The following SLIT3 variants were observed in gnomAD, a reference collection of about 807,000 sequenced individuals.
The protein encoded by SLIT3 is slit homolog 3 protein.
A neutral mutation model predicts 184.0 loss-of-function variants in SLIT3; 68 were observed. The observed-to-expected ratio is 0.37, with a 90% CI of 0.30 to 0.45. The LOEUF (loss-of-function observed/expected upper bound fraction) is 0.45, where lower values mean the gene tolerates loss of function less well. SLIT3 is among the 20% of genes least tolerant of loss of function. The pLI, the probability that SLIT3 is intolerant of heterozygous loss-of-function variation, is 1.00. For missense variants in SLIT3, 1,707 were observed against 2,026.0 expected, an observed-to-expected ratio of 0.84 and a Z score of 3.02; for synonymous variants, 831 against 828.6, an observed-to-expected ratio of 1.00 and a Z score of -0.05.
chr5:168,755,389 A>ATTTCTTTCTTTCTTTCTTTCTTTCT (rs1754862099), intron 16 of SLIT3, among the ~76,000 whole-genome samples: 4 of 133,638 alleles, frequency 3.0e-5, no homozygotes, highest in Non-Finnish European at 6.7e-5. Flanking sequence ...CAGTGCCGCC[A>ATTTCTTTCTTTCTTTCTTTCTTTCT]TTTCTTTCTT....
At chr5:168,732,571 T>C (rs1763318936) in intron 20 of SLIT3, among the ~76,000 whole-genome samples, 2 of 152,192 alleles carry the variant, frequency 1.3e-5, no homozygotes, top group South Asian at 4.1e-4. Context: ...CTTCAAATTA[T>C]ATTACAAGGC....
chr5:168,951,769 C>T lies in SLIT3; in HGVS notation c.414-68433G>A, dbSNP rs115805023. Among the ~76,000 whole-genome samples, 432 of 152,330 alleles carry T rather than the reference C, an allele frequency of 2.8e-3. 4 individuals carry two copies. Among genetic ancestry groups the T allele is most frequent in the African/African-American group, 9.6e-3 (400 of 41,570 alleles). On this transcript the variant is annotated intron_variant, in intron 4 of 35. Coordinates refer to ENST00000519560, the MANE Select transcript of SLIT3 (RefSeq NM_003062.4). ...GGTTCCTGCTGACCAAAGCCTGATCCAGGCCAAGGCTCATCTGTTCCTGTC... is the reference window on the plus strand; with the variant it reads ...GGTTCCTGCTGACCAAAGCCTGATCTAGGCCAAGGCTCATCTGTTCCTGTC...
At chr5:168,730,308 TAGACAGATCATTG>T in intron 20 of SLIT3, among the ~76,000 whole-genome samples, 1 of 152,120 alleles carries the variant, frequency 6.6e-6, no homozygotes, top group South Asian at 2.1e-4. Context: ...CTGACAGCAC[TAGACAGATCATTG>T]AGACAGAAAA....
chr5:169,162,300 G>A (rs1358167764), intron 4 of SLIT3, among the ~76,000 whole-genome samples: 2 of 152,220 alleles, frequency 1.3e-5, no homozygotes. Context: ...GGTAGGTTCA[G>A]CGATTTGTTT....
chr5:168,907,959 T>TAC (rs1244335185), intron 4 of SLIT3, among the ~76,000 whole-genome samples: 1 of 88,182 alleles, frequency 1.1e-5, no homozygotes, highest in Non-Finnish European at 2.3e-5. Flanking sequence ...TATATATATA[T>TAC]ATATATATAT....
rs924440479 is a variant in SLIT3 at position 168,819,596 on chromosome 5, G to T, written c.630-2133C>A. Among the ~76,000 whole-genome samples the T allele has an allele frequency of 6.6e-5, 10 of 152,364 alleles. No homozygotes were observed. The South Asian group carries it at 1.9e-3, about 28-fold the overall frequency. ...GCATGTGTGCATGTGGCGGATCACA[G>T]ATCAATGCAAACAAATTCCCGTCGG... On this transcript the variant is annotated intron_variant, in intron 7 of 35. Coordinates refer to ENST00000519560, the MANE Select transcript of SLIT3 (RefSeq NM_003062.4).
intron 1 of SLIT3, among the ~76,000 whole-genome samples, chr5:169,293,232 G>A (rs1020179320): frequency 2.0e-5 from 3 of 152,058 alleles, no homozygotes; most frequent in Non-Finnish European, 2.9e-5. Context: ...ATCAATGAGA[G>A]ATAAGTCCAA....
At chr5:169,047,779 T>C (rs907353098) in intron 4 of SLIT3, among the ~76,000 whole-genome samples, 3 of 152,154 alleles carry the variant, frequency 2.0e-5, no homozygotes, top group African/African-American at 4.8e-5. Context: ...CCAGCTGCTC[T>C]TCCCGCTGTG....
chr5:169,224,380 TA>T (rs200586494), intron 3 of SLIT3, among the ~76,000 whole-genome samples: 12,374 of 102,548 alleles, frequency 0.12, 561 homozygotes, highest in East Asian at 0.19. Flanking sequence ...TTTATTTATT[TA>T]TTTATTTTTT....
intron 5 of SLIT3, among the ~76,000 whole-genome samples, chr5:168,871,711 G>A (rs1759529088): frequency 6.6e-6 from 1 of 152,066 alleles, no homozygotes; most frequent in African/African-American, 2.4e-5. Context: ...GATAACCTGG[G>A]CCTAGTTAAT....
chr5:168,805,619 G>A (rs554024069), intron 9 of SLIT3, among the ~76,000 whole-genome samples: 10 of 152,292 alleles, frequency 6.6e-5, no homozygotes, highest in South Asian at 2.1e-4. Context: ...GGACTAGACC[G>A]AACTATGTGG....
At chr5:168,978,540 G>A (rs1345919910) in intron 4 of SLIT3, among the ~76,000 whole-genome samples, 3 of 152,100 alleles carry the variant, frequency 2.0e-5, no homozygotes, top group African/African-American at 7.2e-5. Flanking sequence ...GCCCCTTATA[G>A]CAATGGAGAA....
intron 12 of SLIT3, among the ~76,000 whole-genome samples, chr5:168,777,242 T>C (rs917073070): frequency 2.6e-5 from 4 of 152,068 alleles, no homozygotes; most frequent in African/African-American, 9.7e-5. Flanking sequence ...ATGCTCTCTA[T>C]TTGCCACAGT....
intron 5 of SLIT3, among the ~76,000 whole-genome samples, chr5:168,862,659 T>C (rs1259424042): frequency 6.7e-6 from 1 of 149,492 alleles, no homozygotes; most frequent in Non-Finnish European, 1.5e-5. Flanking sequence ...ACATTGGTTT[T>C]TTTGTTTGTT....
intron 4 of SLIT3, among the ~76,000 whole-genome samples, chr5:169,083,031 T>C (rs1383618028): frequency 6.6e-6 from 1 of 152,232 alleles, no homozygotes; most frequent in South Asian, 2.1e-4. Context: ...CTCTACCATA[T>C]GTAACATATG....
At chr5:168,745,538 A>T (rs947599388) in intron 20 of SLIT3, among the ~76,000 whole-genome samples, 2 of 151,834 alleles carry the variant, frequency 1.3e-5, no homozygotes, top group Non-Finnish European at 2.9e-5. Flanking sequence ...CAGCCTCCCC[A>T]GTAGCTGGAA....
At chr5:169,040,873 T>G (rs1457886263) in intron 4 of SLIT3, among the ~76,000 whole-genome samples, 1 of 152,240 alleles carries the variant, frequency 6.6e-6, no homozygotes, top group African/African-American at 2.4e-5. Flanking sequence ...GCGGCAATCT[T>G]TCTTAGAGCT....
chr5:168,802,146 GAAAAAA>G (rs57706263), intron 9 of SLIT3, among the ~76,000 whole-genome samples: 1 of 109,754 alleles, frequency 9.1e-6, no homozygotes, highest in African/African-American at 3.0e-5. Flanking sequence ...TTCTCAATAA[GAAAAAA>G]AAAAAAAAAA....
chr5:168,769,257 G>A (rs539652553), intron 14 of SLIT3, among the ~76,000 whole-genome samples: 33 of 152,286 alleles, frequency 2.2e-4, no homozygotes, highest in Non-Finnish European at 4.6e-4. Context: ...ATAGATCAGG[G>A]TCAGTTTCCA....
Sources: gnomAD v4.1 joint callset for allele counts (sites outside exome capture counted in the v4.1 genomes callset) on GRCh38, gnomAD v4.1.1 for gene constraint, MANE v1.5 for transcripts, NCBI Gene and HGNC (gene_info 2026-07-23, HGNC 2026-07-21) for gene names.